Variants in KIF16B observed in about 807,000 individuals in gnomAD.
KIF16B encodes kinesin family member 16B.
In KIF16B, 98 loss-of-function variants were observed where a neutral mutation model predicts 156.3. The ratio of observed to expected loss-of-function variants is 0.63; its 90% CI spans 0.53 to 0.74. KIF16B has a LOEUF of 0.74. Among genes scored for constraint, KIF16B ranks in the 30% least tolerant of loss-of-function variants. The pLI is 0.00. For synonymous variants in KIF16B, 564 were observed against 583.7 expected (o/e 0.97, Z 0.49); for missense variants, 1,421 against 1,606.5 (o/e 0.88, Z 1.97).
At chr20:16,464,465 AC>A (rs2067431655) in intron 12 of KIF16B, among the ~76,000 whole-genome samples, 1 of 152,202 alleles carries the variant, frequency 6.6e-6, no homozygotes, top group Non-Finnish European at 1.5e-5. Flanking sequence ...TTTAGATTCC[AC>A]CAGATGCATT....
chr20:16,535,581 A>C (rs1050720681), intron 1 of KIF16B, among the ~76,000 whole-genome samples: 2 of 152,204 alleles, frequency 1.3e-5, no homozygotes, highest in Non-Finnish European at 2.9e-5. Flanking sequence ...TCTAAGAGAA[A>C]AAAAATTCAC....
chr20:16,519,185 C>G (rs2069244849), intron 3 of KIF16B, among the ~76,000 whole-genome samples: 1 of 152,134 alleles, frequency 6.6e-6, no homozygotes, highest in African/African-American at 2.4e-5. Flanking sequence ...GAAGTTCAAC[C>G]AACATCAGTT....
In KIF16B at chr20:16,370,638, TGAAAA is replaced by T. The variant is rs1313626661; in HGVS notation, c.3448-7_3448-3del. The T allele has an allele frequency of 1.3e-6, 2 of 1,583,180 alleles. No individual in the cohort carries two copies. The highest frequency in any genetic ancestry group is 8.5e-7 in the Non-Finnish European group (1 of 1,170,974). ...GCCATTGTGAAGTTTCTCATTATCC[TGAAAA>T]GAAAAGAAAAAGCCCTCTATATTAA... On this transcript the variant is annotated splice_region_variant and splice_polypyrimidine_tract_variant and intron_variant, in intron 21 of 25. Coordinates refer to ENST00000354981, the MANE Select transcript of KIF16B (RefSeq NM_024704.5).
chr20:16,335,901 C>T (rs200799150), intron 24 of KIF16B, 25 bp downstream of exon 24: 203 of 1,365,084 alleles, frequency 1.5e-4, no homozygotes, highest in East Asian at 1.3e-3. Context: ...TGCTCTTAAT[C>T]GGAGATAATA....
At chr20:16,482,459 A>G (rs58928464) in intron 12 of KIF16B, among the ~76,000 whole-genome samples, 2,988 of 152,218 alleles carry the variant, frequency 0.02, 103 homozygotes, top group African/African-American at 0.069. Flanking sequence ...TCAATGAGAA[A>G]TTGAGCCAAA....
At chr20:16,510,214 C>A (rs904106915) in intron 6 of KIF16B, among the ~76,000 whole-genome samples, 3 of 152,148 alleles carry the variant, frequency 2.0e-5, no homozygotes, top group African/African-American at 7.2e-5. Flanking sequence ...TGTGATAAGA[C>A]ACTTGTCAGA....
intron 23 of KIF16B, among the ~76,000 whole-genome samples, chr20:16,339,987 C>T (rs1055889977): frequency 2.6e-5 from 4 of 152,132 alleles, no homozygotes; most frequent in Non-Finnish European, 5.9e-5. Flanking sequence ...CATTTCTTTG[C>T]TCATATGAAG....
At chr20:16,458,789 C>T (rs990401947) in intron 12 of KIF16B, among the ~76,000 whole-genome samples, 3 of 152,024 alleles carry the variant, frequency 2.0e-5, no homozygotes, top group Admixed American at 1.3e-4. Context: ...CATACACGCA[C>T]ACACACCACT....
intron 12 of KIF16B, among the ~76,000 whole-genome samples, chr20:16,442,823 G>A (rs2066839263): frequency 6.6e-6 from 1 of 152,014 alleles, no homozygotes; most frequent in Admixed American, 6.6e-5. Context: ...GGGAATTTAG[G>A]AAAAAGCAAG....
chr20:16,295,934 T>G (rs6514670), intron 25 of KIF16B, among the ~76,000 whole-genome samples: 39,252 of 152,122 alleles, frequency 0.26, 5,312 homozygotes, highest in Non-Finnish European at 0.28. Flanking sequence ...CAATGTTTTT[T>G]CTACCACCAG....
intron 21 of KIF16B, among the ~76,000 whole-genome samples, chr20:16,371,338 G>A (rs948691946): frequency 2.0e-5 from 3 of 152,138 alleles, no homozygotes; most frequent in African/African-American, 7.2e-5. Context: ...TGTAATCCCA[G>A]CACTTTGGGA....
intron 11 of KIF16B, 135 bp downstream of exon 11, chr20:16,497,478 T>C (rs1600546205): frequency 2.9e-6 from 2 of 682,936 alleles, no homozygotes; most frequent in Non-Finnish European, 5.2e-6. Context: ...TCTTCAAAAA[T>C]GATCACCAAC....
At chr20:16,447,172 G>A (rs1035129811) in intron 12 of KIF16B, among the ~76,000 whole-genome samples, 2 of 152,074 alleles carry the variant, frequency 1.3e-5, no homozygotes, top group African/African-American at 4.8e-5. Context: ...TGTGGGCCAC[G>A]TAGAACATCT....
At chr20:16,318,441 T>C (rs2063728882) in intron 24 of KIF16B, among the ~76,000 whole-genome samples, 1 of 152,128 alleles carries the variant, frequency 6.6e-6, no homozygotes, top group South Asian at 2.1e-4. Context: ...GAGCCAGTTC[T>C]TGGAGAAACG....
chr20:16,470,373 T>C (rs2067625887), intron 12 of KIF16B, among the ~76,000 whole-genome samples: 1 of 152,154 alleles, frequency 6.6e-6, no homozygotes, highest in Non-Finnish European at 1.5e-5. Flanking sequence ...GTTCACTGAT[T>C]GTAATAAATG....
chr20:16,515,567 T>C lies in KIF16B; in HGVS notation c.329A>G (p.Tyr110Cys). The change falls in exon 4 of 26, where the codon TAC (tyrosine) becomes TGC (cysteine). Residue 110 changes from tyrosine (Y) to cysteine (C), a missense_variant. Tyr to Cys is a radical substitution (Grantham distance 194). Coordinates refer to ENST00000354981, the MANE Select transcript of KIF16B (RefSeq NM_024704.5). ...AYGQTGSGKS[Y>C]TMMGNSGDSG... is the part of the protein sequence containing the mutation. ...ACGTACAGAATTTCCCATCATAGTG[T>C]ATGACTTTCCAGATCCAGTTTGCCC... 1 of 1,594,682 alleles carries C rather than the reference T, an allele frequency of 6.3e-7. No homozygotes were observed. Among genetic ancestry groups the C allele is most frequent in the South Asian group, 1.1e-5 (1 of 90,718 alleles).
At chr20:16,529,105 G>T (rs1033493442) in intron 1 of KIF16B, among the ~76,000 whole-genome samples, 4 of 152,150 alleles carry the variant, frequency 2.6e-5, no homozygotes, top group African/African-American at 7.2e-5. Context: ...AAAAGATGGA[G>T]AAAATCTATG....
At chr20:16,440,533 G>GCGCA (rs1490804040) in intron 12 of KIF16B, among the ~76,000 whole-genome samples, 14 of 138,350 alleles carry the variant, frequency 1.0e-4, no homozygotes, top group South Asian at 2.5e-4. Context: ...ACAAGCGCGC[G>GCGCA]CACACACACA....
At position 16,326,278 on chromosome 20, in the gene KIF16B, CA is replaced by C. The variant is rs577461337; in HGVS notation, c.3711+9647del. ...ACCAAGAACCCAAAAGCAAATGCAACAAAAAAAAAAAGATAAATAGATGGGA... is the reference window on the plus strand; with the variant it reads ...ACCAAGAACCCAAAAGCAAATGCAACAAAAAAAAAAGATAAATAGATGGGA... On this transcript the variant is annotated intron_variant, in intron 24 of 25. Coordinates refer to ENST00000354981, the MANE Select transcript of KIF16B (RefSeq NM_024704.5). 9.5e-3 allele frequency among the ~76,000 whole-genome samples: 1,328 copies of C among 139,196 alleles called. 13 individuals are homozygous for C. Among genetic ancestry groups the C allele is most frequent in the African/African-American group, 0.032 (1,206 of 37,942 alleles). 91.3% of individuals were successfully genotyped at this position (139,196 alleles called of 152,430 possible).
Sources: allele counts gnomAD v4.1 joint callset (sites outside exome capture counted in the v4.1 genomes callset), GRCh38; gene constraint gnomAD v4.1.1; transcripts MANE v1.5; gene names NCBI Gene and HGNC (gene_info 2026-07-23, HGNC 2026-07-21).